Variants in KIAA1328 observed in about 807,000 individuals in gnomAD.
KIAA1328 encodes the protein KIAA1328.
Under a neutral mutation model 68.1 loss-of-function variants are expected in KIAA1328, and 52 were observed. That is an observed-to-expected ratio of 0.76 (90% CI 0.61 to 0.96). The LOEUF (loss-of-function observed/expected upper bound fraction) is 0.96. Ranked by LOEUF, KIAA1328 falls within the 40% of genes least tolerant of loss-of-function variation. KIAA1328 has a pLI of 0.00. For synonymous variants in KIAA1328, 232 were observed against 239.4 expected, an observed-to-expected ratio of 0.97 and a Z score of 0.28; for missense variants, 641 against 677.6, an observed-to-expected ratio of 0.95 and a Z score of 0.60.
At chr18:36,954,160 G>A (rs1322166852) in intron 5 of KIAA1328, among the ~76,000 whole-genome samples, 5 of 151,640 alleles carry the variant, frequency 3.3e-5, no homozygotes, top group Admixed American at 6.6e-5. Flanking sequence ...CTGCCACCGC[G>A]CCCGGCTAAT....
At chr18:37,169,550 C>T (rs1392124323) in intron 8 of KIAA1328, among the ~76,000 whole-genome samples, 1 of 151,576 alleles carries the variant, frequency 6.6e-6, no homozygotes, top group East Asian at 1.9e-4. Flanking sequence ...TTTAAATATA[C>T]AGGAATATAG....
chr18:37,044,330 C>T (rs373733102), intron 6 of KIAA1328, among the ~76,000 whole-genome samples: 31 of 152,048 alleles, frequency 2.0e-4, no homozygotes, highest in East Asian at 1.4e-3. Context: ...GGATCCTATC[C>T]GTCATCTCCC....
chr18:36,963,591 G>A (rs922164885), intron 6 of KIAA1328, among the ~76,000 whole-genome samples: 2 of 151,756 alleles, frequency 1.3e-5, no homozygotes, highest in African/African-American at 4.9e-5. Flanking sequence ...GATTTCTTGG[G>A]GGTTTTGCCC....
intron 7 of KIAA1328, among the ~76,000 whole-genome samples, chr18:37,107,833 C>T (rs1237160976): frequency 6.6e-6 from 1 of 151,370 alleles, no homozygotes; most frequent in African/African-American, 2.4e-5. Context: ...GAGATGCCAT[C>T]TCACACCAGT....
chr18:36,870,522 A>G (rs1412445183), intron 4 of KIAA1328, among the ~76,000 whole-genome samples: 1 of 152,190 alleles, frequency 6.6e-6, no homozygotes, highest in East Asian at 1.9e-4. Context: ...CTCTTTGACA[A>G]TCCATCCCTT....
At chr18:37,211,548 A>G (rs1407376675) in intron 9 of KIAA1328, among the ~76,000 whole-genome samples, 3 of 152,204 alleles carry the variant, frequency 2.0e-5, no homozygotes, top group Admixed American at 2.0e-4. Context: ...AGAAGCCCAC[A>G]TTCTAGGCGA....
intron 5 of KIAA1328, chr18:36,886,470 C>T (rs1273833627): frequency 6.6e-6 from 1 of 151,882 alleles, no homozygotes; most frequent in Admixed American, 6.6e-5. Context: ...TCTTATGGAG[C>T]AGAAAACTAT....
At chr18:36,903,817 T>C (rs1054276878) in intron 5 of KIAA1328, 4 of 152,162 alleles carry the variant, frequency 2.6e-5, no homozygotes, top group Admixed American at 1.3e-4. Context: ...CCCTGGCATC[T>C]TTACTCTTTT....
chr18:37,202,538 T>C (rs142684993), intron 9 of KIAA1328, among the ~76,000 whole-genome samples: 183 of 152,286 alleles, frequency 1.2e-3, no homozygotes, highest in African/African-American at 4.0e-3. Context: ...AAACCACTTT[T>C]TGGGAAGAAT....
chr18:37,176,732 T>C (rs547518007), intron 9 of KIAA1328, among the ~76,000 whole-genome samples: 3 of 152,334 alleles, frequency 2.0e-5, no homozygotes, highest in African/African-American at 7.2e-5. Context: ...AATAAATACC[T>C]TTCCTACCAA....
At chr18:36,975,425 G>T (rs1023970462) in intron 6 of KIAA1328, among the ~76,000 whole-genome samples, 9 of 151,866 alleles carry the variant, frequency 5.9e-5, no homozygotes, top group Non-Finnish European at 8.8e-5. Flanking sequence ...CTCGTGATCC[G>T]CCCGCCTCGG....
At chr18:37,138,495 G>A (rs1177803095) in intron 7 of KIAA1328, among the ~76,000 whole-genome samples, 1 of 152,104 alleles carries the variant, frequency 6.6e-6, no homozygotes, top group African/African-American at 2.4e-5. Flanking sequence ...AAGGGATTTG[G>A]CATAAGTAAA....
chr18:37,035,310 A>G, intron 6 of KIAA1328, among the ~76,000 whole-genome samples: 1 of 152,242 alleles, frequency 6.6e-6, no homozygotes, highest in East Asian at 1.9e-4. Context: ...GCACTTTTGA[A>G]AAATGCAAAT....
intron 5 of KIAA1328, among the ~76,000 whole-genome samples, chr18:36,949,616 G>A (rs567805647): frequency 0.013 from 536 of 39,758 alleles, 7 homozygotes; most frequent in Non-Finnish European, 0.016. Context: ...CCCACCCCCC[G>A]ATCTTGATTT....
intron 6 of KIAA1328, among the ~76,000 whole-genome samples, chr18:36,978,999 A>G (rs1369609298): frequency 6.6e-6 from 1 of 152,028 alleles, no homozygotes; most frequent in Non-Finnish European, 1.5e-5. Context: ...ATCTCTACAA[A>G]TATTTGAAAA....
At chr18:37,003,639 T>C (rs1237380724) in intron 6 of KIAA1328, among the ~76,000 whole-genome samples, 1 of 152,144 alleles carries the variant, frequency 6.6e-6, no homozygotes, top group Admixed American at 6.6e-5. Flanking sequence ...TGCTTTTGGG[T>C]TGTTGGTCAT....
At chr18:36,983,015 A>C (rs2052759076) in intron 6 of KIAA1328, among the ~76,000 whole-genome samples, 1 of 151,998 alleles carries the variant, frequency 6.6e-6, no homozygotes, top group Non-Finnish European at 1.5e-5. Flanking sequence ...AGGGGATGAT[A>C]CTGGTTTTTT....
intron 6 of KIAA1328, among the ~76,000 whole-genome samples, chr18:37,007,733 T>A (rs146793411): frequency 3.9e-5 from 6 of 152,256 alleles, no homozygotes; most frequent in Middle Eastern, 3.4e-3. Context: ...GCAAGAAAGA[T>A]AATTCAAAAT....
At chr18:37,121,988 C>T (rs570206836) in intron 7 of KIAA1328, among the ~76,000 whole-genome samples, 168 of 152,206 alleles carry the variant, frequency 1.1e-3, no homozygotes, top group South Asian at 4.6e-3. Flanking sequence ...ATCAGACTTA[C>T]AGACATAGTA....
Sources: gnomAD v4.1 joint callset for allele counts (sites outside exome capture counted in the v4.1 genomes callset) on GRCh38, gnomAD v4.1.1 for gene constraint, MANE v1.5 for transcripts, NCBI Gene and HGNC (gene_info 2026-07-23, HGNC 2026-07-21) for gene names.